The following FBXW7 variants were observed in gnomAD, a reference collection of about 807,000 sequenced individuals.
The protein encoded by FBXW7 is F-box and WD repeat domain containing 7.
In FBXW7, 11 loss-of-function variants were observed where a neutral mutation model predicts 86.3. That is an observed-to-expected ratio of 0.13 (90% confidence interval 0.08 to 0.21). The LOEUF is 0.21. Ranked by LOEUF, FBXW7 falls within the 10% of genes least tolerant of loss-of-function variation. The pLI is 1.00. For missense variants in FBXW7, 488 were observed against 847.4 expected, an observed-to-expected ratio of 0.58 and a Z score of 5.27; for synonymous variants, 313 against 297.9, an observed-to-expected ratio of 1.05 and a Z score of -0.52.
At chr4:152,387,443 T>C (rs1040820779) in intron 4 of FBXW7, among the ~76,000 whole-genome samples, 9 of 152,198 alleles carry the variant, frequency 5.9e-5, no homozygotes, top group African/African-American at 1.9e-4. Flanking sequence ...CCTAACATCA[T>C]AGATATCAGA....
At chr4:152,415,613 A>C (rs78501601) in intron 2 of FBXW7, among the ~76,000 whole-genome samples, 2,079 of 152,152 alleles carry the variant, frequency 0.014, 25 homozygotes, top group Middle Eastern at 0.037. Context: ...TTATCTTATT[A>C]CTCCACTGCT....
At chr4:152,327,202 G>T (rs1729118922) in intron 11 of FBXW7, among the ~76,000 whole-genome samples, 1 of 151,980 alleles carries the variant, frequency 6.6e-6, no homozygotes, top group African/African-American at 2.4e-5. Flanking sequence ...AATGGAAACT[G>T]GAATACAAGG....
At chr4:152,532,911 C>T (rs150966452) in intron 2 of FBXW7, among the ~76,000 whole-genome samples, 19 of 152,202 alleles carry the variant, frequency 1.2e-4, no homozygotes, top group Admixed American at 3.9e-4. Flanking sequence ...TTTGGCAGGA[C>T]GCGGTGTCTC....
At chr4:152,429,588 T>C (rs1280039996) in intron 2 of FBXW7, among the ~76,000 whole-genome samples, 2 of 152,212 alleles carry the variant, frequency 1.3e-5, no homozygotes, top group Non-Finnish European at 2.9e-5. Context: ...CTGGAAGCCA[T>C]GCTGGAAGAC....
At chr4:152,432,927 G>A (rs1169725693) in intron 2 of FBXW7, among the ~76,000 whole-genome samples, 1 of 152,148 alleles carries the variant, frequency 6.6e-6, no homozygotes, top group East Asian at 1.9e-4. Flanking sequence ...TTCCATCAGT[G>A]CAGATTAGTT....
chr4:152,411,436 T>C lies in FBXW7; in HGVS notation c.368A>G (p.Asp123Gly), dbSNP rs747829333. 1 of 1,613,544 alleles carries C rather than the reference T, an allele frequency of 6.2e-7. No homozygotes were observed. The highest frequency in any genetic ancestry group is 8.5e-7 in the Non-Finnish European group (1 of 1,179,810). The change falls in exon 4 of 14, where the codon GAC becomes GGC. Residue 123 changes from aspartate (D) to glycine (G), a missense_variant. Coordinates refer to ENST00000281708, the MANE Select transcript of FBXW7 (RefSeq NM_001349798.2). ...EEEEEMDQES[D>G]DFDQSDDSSR... ...ACTATCATCAGACTGATCAAAATCG[T>C]CACTCTCCTGGTCCATCTCCTCCTC...
intron 2 of FBXW7, among the ~76,000 whole-genome samples, chr4:152,494,721 T>C (rs997930888): frequency 6.6e-6 from 1 of 152,110 alleles, no homozygotes; most frequent in Non-Finnish European, 1.5e-5. Context: ...TACAAGGAGA[T>C]TATGAGGAAT....
At chr4:152,524,016 C>G (rs922543242) in intron 2 of FBXW7, among the ~76,000 whole-genome samples, 3 of 152,140 alleles carry the variant, frequency 2.0e-5, no homozygotes, top group Admixed American at 6.5e-5. Context: ...TTCAGAAAAC[C>G]AGCACCCTCA....
chr4:152,487,294 G>T (rs1463305354), intron 2 of FBXW7, among the ~76,000 whole-genome samples: 1 of 152,028 alleles, frequency 6.6e-6, no homozygotes, highest in Non-Finnish European at 1.5e-5. Flanking sequence ...AGGGGAAAAG[G>T]ATACTTTTAC....
intron 4 of FBXW7, among the ~76,000 whole-genome samples, chr4:152,391,000 G>T (rs1735950018): frequency 6.6e-6 from 1 of 151,954 alleles, no homozygotes; most frequent in South Asian, 2.1e-4. Context: ...GAGTGCTGGT[G>T]CTTTAAATAG....
In FBXW7 at chr4:152,411,691, T is replaced by G. The variant is rs758603153; in HGVS notation, c.113A>C (p.Glu38Ala). ...VDEEQMNRVVEEEQQQQLRQQ... is the reference protein window; with the variant it reads ...VDEEQMNRVVAEEQQQQLRQQ... Reference sequence around the variant, plus strand: ...TCTGAGTTGCTGTTGCTGTTCCTCCTCTACCACACGATTCATCTGTTCTTC... The same window carrying G: ...TCTGAGTTGCTGTTGCTGTTCCTCCGCTACCACACGATTCATCTGTTCTTC... Residue 38 changes from glutamate to alanine, a missense_variant, in exon 4 of 14, where the codon GAG becomes GCG. Glu to Ala is a moderately radical substitution (Grantham distance 107, BLOSUM62 -1). Around this residue, in one of 4 missense-constraint regions of FBXW7, gnomAD observed 230 missense variants for 240.0 expected, o/e 0.96. Coordinates refer to ENST00000281708, the MANE Select transcript of FBXW7 (RefSeq NM_001349798.2). 6 of 1,613,930 alleles carry G rather than the reference T, an allele frequency of 3.7e-6. No homozygotes were observed. The highest frequency in any genetic ancestry group is 5.1e-6 in the Non-Finnish European group (6 of 1,179,872).
intron 4 of FBXW7, among the ~76,000 whole-genome samples, chr4:152,364,467 T>C (rs1733273477): frequency 6.6e-6 from 1 of 152,194 alleles, no homozygotes; most frequent in African/African-American, 2.4e-5. Context: ...TGAATCATAA[T>C]ATTTATGAAA....
rs1745382571 is a variant in FBXW7, at chr4:152,486,782, G to GTTT, written c.-120+48156_-120+48158dup. On this transcript the variant is annotated intron_variant, in intron 2 of 13. Coordinates refer to ENST00000281708, the MANE Select transcript of FBXW7 (RefSeq NM_001349798.2). ...AAATACATAAACCGTTAACATAGCT[G>GTTT]TTTATTATTATTATCAAGTATTATG... Among the ~76,000 whole-genome samples the GTTT allele has an allele frequency of 2.0e-5, 3 of 152,120 alleles. No homozygotes were observed. In the South Asian group the frequency reaches 6.2e-4, roughly 32 times the overall value.
rs551894199 is a variant in FBXW7, at chr4:152,476,964, C to T, written c.-120+57977G>A. 5.6e-4 allele frequency among the ~76,000 whole-genome samples: 85 copies of T among 152,228 alleles called. No homozygotes were observed. In the South Asian group the frequency reaches 0.013, roughly 23 times the overall value. The stretch of plus-strand genomic sequence containing the variant: ...CAGATTCTGTAAGAAGCTGAGGATT[C>T]CGCATCTGTTATGCAATCCACAGTG... On this transcript the variant is annotated intron_variant, in intron 2 of 13. Coordinates refer to ENST00000281708, the MANE Select transcript of FBXW7 (RefSeq NM_001349798.2).
At chr4:152,344,178 T>A (rs1030558995) in intron 6 of FBXW7, among the ~76,000 whole-genome samples, 5 of 152,176 alleles carry the variant, frequency 3.3e-5, no homozygotes, top group Non-Finnish European at 5.9e-5. Flanking sequence ...AAATTATATC[T>A]CTACAAGTTA....
At position 152,322,654 on chromosome 4, in the gene FBXW7, T is replaced by C; in HGVS notation, c.*227A>G. On this transcript the variant is annotated 3_prime_UTR_variant, in exon 14 of 14. Coordinates refer to ENST00000281708, the MANE Select transcript of FBXW7 (RefSeq NM_001349798.2). ...CTGCCCTCAGTCAAAAGTGAAGCCT[T>C]TTATGTGATGAGACAGCAGACGCCT... The C allele has an allele frequency of 1.5e-6, 1 of 649,256 alleles. No homozygotes were observed. The highest frequency in any genetic ancestry group is 2.4e-6 in the Non-Finnish European group (1 of 415,000). 40.2% of individuals were successfully genotyped at this position (649,256 alleles called of 1,614,324 possible).
chr4:152,334,240 A>C (rs1398310650), intron 7 of FBXW7, among the ~76,000 whole-genome samples: 1 of 152,228 alleles, frequency 6.6e-6, no homozygotes, highest in Non-Finnish European at 1.5e-5. Flanking sequence ...TTATGTAGAG[A>C]AGCTGAGTCA....
intron 2 of FBXW7, among the ~76,000 whole-genome samples, chr4:152,430,813 A>G (rs1289688432): frequency 6.6e-6 from 1 of 152,210 alleles, no homozygotes; most frequent in Admixed American, 6.5e-5. Flanking sequence ...TCTAACTAAG[A>G]TGGATATTCT....
chr4:152,515,753 C>CTTTTTTTTTTTTTT (rs79255425), intron 2 of FBXW7, among the ~76,000 whole-genome samples: 1 of 129,714 alleles, frequency 7.7e-6, no homozygotes, highest in African/African-American at 2.8e-5. Context: ...CCACAACTCT[C>CTTTTTTTTTTTTTT]TTTTTTTTTT....
Sources: gnomAD v4.1 joint callset for allele counts (sites outside exome capture counted in the v4.1 genomes callset) on GRCh38, gnomAD v4.1.1 for gene constraint, gnomAD v4.1.1 regional missense constraint, MANE v1.5 for transcripts, NCBI Gene and HGNC (gene_info 2026-07-23, HGNC 2026-07-21) for gene names.